Variants in PCCA observed in about 807,000 individuals in gnomAD.
PCCA encodes the protein propionyl-CoA carboxylase alpha chain, mitochondrial.
PCCA carries 74 observed loss-of-function variants against 101.3 expected under a neutral mutation model. The observed-to-expected ratio is 0.73, with a 90% CI of 0.61 to 0.89. The LOEUF (loss-of-function observed/expected upper bound fraction) is 0.89, where lower values mean the gene tolerates loss of function less well. Ranked by LOEUF, PCCA falls within the 40% of genes least tolerant of loss-of-function variation. The pLI, the probability that PCCA is intolerant of heterozygous loss-of-function variation, is 0.00. For synonymous variants in PCCA, 294 were observed against 313.6 expected, an observed-to-expected ratio of 0.94 and a Z score of 0.66; for missense variants, 891 against 907.0, an observed-to-expected ratio of 0.98 and a Z score of 0.23.
intron 19 of PCCA, among the ~76,000 whole-genome samples, chr13:100,369,426 C>T (rs943175937): frequency 2.0e-5 from 3 of 152,014 alleles, no homozygotes; most frequent in East Asian, 1.9e-4. Flanking sequence ...GAGAGGGGTA[C>T]GGCAGTTTCT....
intron 21 of PCCA, among the ~76,000 whole-genome samples, chr13:100,461,138 C>T (rs1351026559): frequency 6.6e-6 from 1 of 152,174 alleles, no homozygotes. Context: ...TTGTGGAGGA[C>T]AGCATTTTAA....
chr13:100,490,273 G>T (rs912230214), intron 21 of PCCA: 1 of 152,134 alleles, frequency 6.6e-6, no homozygotes, highest in Admixed American at 6.5e-5. Context: ...ATTTCAGTTC[G>T]CCTTTGGTAT....
At chr13:100,204,200 G>T (rs1458317122) in intron 6 of PCCA, among the ~76,000 whole-genome samples, 1 of 151,918 alleles carries the variant, frequency 6.6e-6, no homozygotes, top group South Asian at 2.1e-4. Flanking sequence ...TGCAGTCTCG[G>T]CTCACTGCAG....
chr13:100,524,983 G>GATGGATGGATGGATA, intron 22 of PCCA, among the ~76,000 whole-genome samples: 1 of 137,276 alleles, frequency 7.3e-6, no homozygotes, highest in South Asian at 2.4e-4. Flanking sequence ...TCTCTAAGAT[G>GATGGATGGATGGATA]GATAGATAGA....
chr13:100,458,761 C>T lies in PCCA; in HGVS notation c.1899+9456C>T, dbSNP rs187917916. On this transcript the variant is annotated intron_variant, in intron 21 of 23. Coordinates refer to ENST00000376285, the MANE Select transcript of PCCA (RefSeq NM_000282.4). ...TCAGATAAAATTTGTGCCTTTATGA[C>T]CCAGGAGGATGGCCTGGGTGTACAT... Among the ~76,000 whole-genome samples, 283 of 152,222 alleles carry T rather than the reference C, an allele frequency of 1.9e-3. 4 individuals are homozygous for T. The highest frequency in any genetic ancestry group is 6.6e-3 in the African/African-American group (273 of 41,530).
intron 21 of PCCA, among the ~76,000 whole-genome samples, chr13:100,495,875 A>C (rs1180959554): frequency 6.6e-6 from 1 of 152,236 alleles, no homozygotes; most frequent in Non-Finnish European, 1.5e-5. Flanking sequence ...AAAAGTTGCA[A>C]AACAATAATA....
chr13:100,473,209 CCA>C (rs2083152385), intron 21 of PCCA: 1 of 152,190 alleles, frequency 6.6e-6, no homozygotes, highest in African/African-American at 2.4e-5. Flanking sequence ...ATCTCTTCTC[CCA>C]GAACGCCCCA....
chr13:100,187,899 C>T (rs1316376796), intron 6 of PCCA, among the ~76,000 whole-genome samples: 1 of 152,054 alleles, frequency 6.6e-6, no homozygotes, highest in Non-Finnish European at 1.5e-5. Flanking sequence ...ATCCCCCGCC[C>T]CCTTCCCACC....
At chr13:100,403,397 G>T (rs930745246) in intron 19 of PCCA, among the ~76,000 whole-genome samples, 9 of 152,130 alleles carry the variant, frequency 5.9e-5, no homozygotes, top group Non-Finnish European at 1.3e-4. Context: ...TTGGCACATG[G>T]TTCTGCAGGC....
intron 18 of PCCA, among the ~76,000 whole-genome samples, chr13:100,366,984 C>T (rs1474115177): frequency 6.6e-6 from 1 of 151,898 alleles, no homozygotes; most frequent in Admixed American, 6.6e-5. Flanking sequence ...ATGCTGAATA[C>T]ACAGAGACTT....
intron 21 of PCCA, among the ~76,000 whole-genome samples, chr13:100,459,821 G>T (rs775064373): frequency 6.6e-6 from 1 of 152,316 alleles, no homozygotes; most frequent in South Asian, 2.1e-4. Context: ...TCTAAGTAAG[G>T]TGCCAGCAGA....
Position 100,330,637 on chromosome 13 carries a change from A to G in PCCA, c.1506A>G (p.Lys502=), listed in dbSNP as rs2069413908. 2.5e-6 allele frequency: 4 copies of G among 1,611,440 alleles called. No individual in the cohort carries two copies. The highest frequency in any genetic ancestry group is 3.4e-6 in the Non-Finnish European group (4 of 1,177,900). Reference sequence around the variant, plus strand: ...TTGTAAAAGGAGACATCAGCACTAAATTTCTCTCCGATGTGTATCCTGATG... The same window carrying G: ...TTGTAAAAGGAGACATCAGCACTAAGTTTCTCTCCGATGTGTATCCTGATG... ...SRFVKGDIST[K]FLSDVYPDGF... is the part of the protein sequence containing the mutation. The change falls in exon 17 of 24, where the codon AAA becomes AAG. Residue 502 remains lysine (K), a synonymous_variant. Transcript: ENST00000376285.
chr13:100,286,520 C>G (rs542072035), intron 12 of PCCA, among the ~76,000 whole-genome samples: 212 of 152,256 alleles, frequency 1.4e-3, no homozygotes, highest in Non-Finnish European at 1.6e-3. Context: ...GGTTGCTTTA[C>G]GAGGAACTTA....
chr13:100,317,296 C>T (rs1223390533), intron 16 of PCCA, among the ~76,000 whole-genome samples: 2 of 151,972 alleles, frequency 1.3e-5, no homozygotes, highest in African/African-American at 2.4e-5. Context: ...GAGCGATTTG[C>T]ATATTGCTGG....
At chr13:100,347,557 T>C in intron 18 of PCCA, among the ~76,000 whole-genome samples, 1 of 152,224 alleles carries the variant, frequency 6.6e-6, no homozygotes, top group Non-Finnish European at 1.5e-5. Flanking sequence ...AACACAACAT[T>C]CCTTAGAGAT....
At chr13:100,135,852 A>G (rs2051096996) in intron 4 of PCCA, among the ~76,000 whole-genome samples, 2 of 152,164 alleles carry the variant, frequency 1.3e-5, no homozygotes, top group African/African-American at 2.4e-5. Context: ...TAATCTGCCA[A>G]TGAATGTTGA....
chr13:100,250,908 T>C (rs2061708603), intron 8 of PCCA, among the ~76,000 whole-genome samples: 1 of 152,194 alleles, frequency 6.6e-6, no homozygotes, highest in Non-Finnish European at 1.5e-5. Context: ...ACACTTCCTG[T>C]CCTTTGGTTC....
At chr13:100,216,945 C>T (rs1191006485) in intron 7 of PCCA, among the ~76,000 whole-genome samples, 2 of 151,250 alleles carry the variant, frequency 1.3e-5, no homozygotes, top group African/African-American at 4.9e-5. Flanking sequence ...CCCGTCTCTA[C>T]TGAAAATACA....
intron 21 of PCCA, among the ~76,000 whole-genome samples, chr13:100,465,264 T>C (rs558498572): frequency 1.1e-3 from 165 of 152,332 alleles, no homozygotes; most frequent in Non-Finnish European, 1.9e-3. Context: ...AATTACTATC[T>C]AGTTTGGAAA....
Sources: gnomAD v4.1 joint callset for allele counts (sites outside exome capture counted in the v4.1 genomes callset) on GRCh38, gnomAD v4.1.1 for gene constraint, MANE v1.5 for transcripts, NCBI Gene and HGNC (gene_info 2026-07-23, HGNC 2026-07-21) for gene names.